Variants in CCDC30 observed in about 807,000 individuals in gnomAD.
The protein encoded by CCDC30 is coiled-coil domain-containing protein 30.
CCDC30 carries 70 observed loss-of-function variants against 100.2 expected under a neutral mutation model. The ratio of observed to expected loss-of-function variants is 0.70; its 90% CI spans 0.58 to 0.85. The LOEUF (loss-of-function observed/expected upper bound fraction) is 0.85. Ranked by LOEUF, CCDC30 falls within the 40% of genes least tolerant of loss-of-function variation. The pLI is 0.00. For missense variants in CCDC30, 652 were observed against 771.2 expected (o/e 0.85, Z 1.83); for synonymous variants, 233 against 269.5 (o/e 0.86, Z 1.33).
chr1:42,649,581 T>G (rs1648167103), intron 15 of CCDC30, among the ~76,000 whole-genome samples: 1 of 152,212 alleles, frequency 6.6e-6, no homozygotes, highest in South Asian at 2.1e-4. Context: ...ATTTCATATA[T>G]ACTGGAAATC....
intron 7 of CCDC30, among the ~76,000 whole-genome samples, chr1:42,575,024 T>A (rs1645804522): frequency 6.6e-6 from 1 of 152,218 alleles, no homozygotes; most frequent in African/African-American, 2.4e-5. Flanking sequence ...ATGAAGAAAC[T>A]GATGCTCAAA....
intron 6 of CCDC30, among the ~76,000 whole-genome samples, chr1:42,562,209 T>C (rs1645503245): frequency 6.6e-6 from 1 of 152,148 alleles, no homozygotes; most frequent in Admixed American, 6.5e-5. Flanking sequence ...CAAACTATAC[T>C]ACAAGGCTAC....
chr1:42,613,155 A>G (rs931864700), intron 11 of CCDC30, among the ~76,000 whole-genome samples: 1 of 152,212 alleles, frequency 6.6e-6, no homozygotes, highest in Admixed American at 6.5e-5. Flanking sequence ...TGTCTGCTCT[A>G]TAGACAGAGG....
intron 6 of CCDC30, among the ~76,000 whole-genome samples, chr1:42,503,929 A>G (rs558815236): frequency 1.2e-4 from 19 of 152,266 alleles, no homozygotes; most frequent in African/African-American, 4.6e-4. Context: ...ACACACACAG[A>G]AATATAGAGG....
At chr1:42,566,095 T>C (rs1209216357) in intron 6 of CCDC30, among the ~76,000 whole-genome samples, 1 of 152,224 alleles carries the variant, frequency 6.6e-6, no homozygotes, top group Non-Finnish European at 1.5e-5. Context: ...TTATTTTCAC[T>C]CTAATATAAC....
At position 42,482,189 on chromosome 1, in the gene CCDC30, C is replaced by T. The variant is rs111987766; in HGVS notation, c.16-474C>T. Among the ~76,000 whole-genome samples, 905 of 149,016 alleles carry T rather than the reference C, an allele frequency of 6.1e-3. 6 individuals carry two copies. Among genetic ancestry groups the T allele is most frequent in the African/African-American group, 0.021 (843 of 40,302 alleles). On this transcript the variant is annotated intron_variant, in intron 2 of 16. Transcript: ENST00000668663. ...TGCCATTAGAGACTGTGCCATTGCCCTCTAGCCTGGGGGACCAGGTGAGAC... is the reference window on the plus strand; with the variant it reads ...TGCCATTAGAGACTGTGCCATTGCCTTCTAGCCTGGGGGACCAGGTGAGAC...
Position 42,611,013 on chromosome 1 carries a change from A to G in CCDC30, c.1200A>G (p.Leu400=), listed in dbSNP as rs555325769. 177 of 1,612,256 alleles carry G rather than the reference A, an allele frequency of 1.1e-4. 1 individual carries two copies. The highest frequency in any genetic ancestry group is 5.1e-6 in the Non-Finnish European group (6 of 1,178,482). ...GCAACCAGGAATTGTCAGAGAAGCT[A>G]TCTAAGCTACAGCAAGAGAAGGAAG... The change falls in exon 11 of 17, where the codon CTA becomes CTG. Residue 400 remains leucine, a synonymous_variant. Coordinates refer to ENST00000668663, the Ensembl canonical transcript of CCDC30.
chr1:42,522,675 G>A (rs972937291), intron 6 of CCDC30, among the ~76,000 whole-genome samples: 3 of 151,976 alleles, frequency 2.0e-5, no homozygotes, highest in Non-Finnish European at 4.4e-5. Flanking sequence ...TTACATCTTT[G>A]TACAAATGTG....
At chr1:42,506,775 T>A (rs999608174) in intron 6 of CCDC30, among the ~76,000 whole-genome samples, 2 of 152,168 alleles carry the variant, frequency 1.3e-5, no homozygotes, top group African/African-American at 2.4e-5. Flanking sequence ...ATGTTAGAGG[T>A]TTAAAACACT....
In CCDC30 at chr1:42,535,325, C is replaced by T. The variant is rs4427443; in HGVS notation, c.457-30971C>T. On this transcript the variant is annotated intron_variant, in intron 6 of 16. Transcript: ENST00000668663. ...CAGAGCATTTTCTATAAGTGAGGAG[C>T]CCATATATGTCCAGGCATCATTATC... Among the ~76,000 whole-genome samples the T allele has an allele frequency of 3.8e-3, 583 of 151,808 alleles. 1 individual carries two copies. Among genetic ancestry groups the T allele is most frequent in the African/African-American group, 0.013 (517 of 41,350 alleles).
chr1:42,625,292 T>C (rs2148662251), intron 11 of CCDC30, among the ~76,000 whole-genome samples: 1 of 151,680 alleles, frequency 6.6e-6, no homozygotes, highest in East Asian at 1.9e-4. Flanking sequence ...TGCTAAAGTT[T>C]TGTTGATTTT....
intron 7 of CCDC30, among the ~76,000 whole-genome samples, chr1:42,576,707 A>C (rs1048069617): frequency 2.0e-5 from 3 of 152,238 alleles, no homozygotes; most frequent in Admixed American, 2.0e-4. Flanking sequence ...TTGGCAATGA[A>C]GAGGTCAGTT....
exon 5 of CCDC30, chr1:42,497,176 G>A (rs369861297): frequency 6.5e-6 from 8 of 1,234,150 alleles, no homozygotes; most frequent in South Asian, 4.1e-5. Context: ...AATAGGGTTC[G>A]ATCACTTGAC....
At chr1:42,532,039 CCT>C (rs1429814994) in intron 6 of CCDC30, among the ~76,000 whole-genome samples, 1 of 151,838 alleles carries the variant, frequency 6.6e-6, no homozygotes, top group Non-Finnish European at 1.5e-5. Flanking sequence ...TACCTATAAT[CCT>C]AGCACTTCGG....
chr1:42,507,286 A>T (rs1303169669), intron 6 of CCDC30, among the ~76,000 whole-genome samples: 1 of 152,188 alleles, frequency 6.6e-6, no homozygotes, highest in African/African-American at 2.4e-5. Flanking sequence ...TTTGACCATG[A>T]GGTGAAATCT....
intron 1 of CCDC30, among the ~76,000 whole-genome samples, chr1:42,478,529 C>A (rs1643908803): frequency 1.3e-5 from 2 of 152,056 alleles, no homozygotes; most frequent in African/African-American, 4.8e-5. Context: ...GAGGCCAAGG[C>A]AGGTAGATTG....
At chr1:42,585,695 T>G (rs1646053812) in intron 9 of CCDC30, among the ~76,000 whole-genome samples, 1 of 152,152 alleles carries the variant, frequency 6.6e-6, no homozygotes. Flanking sequence ...ACAAGTTTTC[T>G]GCTATGTTGT....
At chr1:42,632,982 G>T (rs533562937) in intron 11 of CCDC30, among the ~76,000 whole-genome samples, 2 of 151,920 alleles carry the variant, frequency 1.3e-5, no homozygotes, top group South Asian at 4.2e-4. Context: ...GCTAATTTTT[G>T]TATTTTTAGT....
intron 1 of CCDC30, chr1:42,468,631 G>A (rs1196676089): frequency 2.6e-5 from 4 of 152,236 alleles, no homozygotes; most frequent in African/African-American, 9.6e-5. Flanking sequence ...CAACTTCAAT[G>A]TGTTTCTGTT....
Sources: allele counts gnomAD v4.1 joint callset (sites outside exome capture counted in the v4.1 genomes callset), GRCh38; gene constraint gnomAD v4.1.1; transcripts MANE v1.5; gene names NCBI Gene and HGNC (gene_info 2026-07-23, HGNC 2026-07-21).